The following CSMD1 variants were observed in gnomAD, a reference collection of about 807,000 sequenced individuals.
CSMD1 encodes CUB and Sushi multiple domains 1.
A neutral mutation model predicts 417.5 loss-of-function variants in CSMD1; 213 were observed. The observed-to-expected ratio is 0.51, with a 90% CI of 0.46 to 0.57. CSMD1 has a LOEUF of 0.57. Ranked by LOEUF, CSMD1 falls within the 20% of genes least tolerant of loss-of-function variation. CSMD1 has a pLI of 0.00. For missense variants in CSMD1, 6,923 were observed against 4,529.7 expected (o/e 1.53, Z -15.17); for synonymous variants, 2,862 against 1,736.8 (o/e 1.65, Z -16.11).
At chr8:3,551,432 C>A (rs530854778) in intron 10 of CSMD1, among the ~76,000 whole-genome samples, 1 of 152,012 alleles carries the variant, frequency 6.6e-6, no homozygotes, top group Non-Finnish European at 1.5e-5. Flanking sequence ...ATTAACTAAT[C>A]TGCACACTGA....
intron 49 of CSMD1, among the ~76,000 whole-genome samples, chr8:3,086,616 T>C (rs1025647117): frequency 1.3e-5 from 2 of 152,154 alleles, no homozygotes; most frequent in Admixed American, 6.6e-5. Context: ...ATGCACATGA[T>C]AGATAAAATG....
At chr8:3,615,779 T>G (rs1185583169) in intron 8 of CSMD1, among the ~76,000 whole-genome samples, 1 of 152,112 alleles carries the variant, frequency 6.6e-6, no homozygotes, top group Non-Finnish European at 1.5e-5. Flanking sequence ...TCAAAAATGG[T>G]GACATTGTAA....
intron 51 of CSMD1, among the ~76,000 whole-genome samples, chr8:3,026,261 C>G (rs1297862318): frequency 6.6e-6 from 1 of 151,916 alleles, no homozygotes; most frequent in Non-Finnish European, 1.5e-5. Flanking sequence ...ACATCAGGTC[C>G]TCAGCCACAC....
chr8:4,101,410 G>A (rs1801298950), intron 3 of CSMD1, among the ~76,000 whole-genome samples: 1 of 152,120 alleles, frequency 6.6e-6, no homozygotes, highest in Admixed American at 6.5e-5. Flanking sequence ...TGGTTGGGCA[G>A]GTGAATATTT....
At chr8:3,810,593 C>A (rs1383943) in intron 5 of CSMD1, among the ~76,000 whole-genome samples, 1 of 152,136 alleles carries the variant, frequency 6.6e-6, no homozygotes, top group African/African-American at 2.4e-5. Context: ...GCTTCTCCGA[C>A]AGTTCTCCCT....
chr8:4,831,082 G>A (rs905353203), intron 1 of CSMD1, among the ~76,000 whole-genome samples: 3 of 152,136 alleles, frequency 2.0e-5, no homozygotes, highest in Admixed American at 6.5e-5. Flanking sequence ...CAAAGTGGGA[G>A]GGATGTTTTT....
chr8:3,954,557 C>T (rs1281716855), intron 5 of CSMD1, among the ~76,000 whole-genome samples: 1 of 152,124 alleles, frequency 6.6e-6, no homozygotes, highest in South Asian at 2.1e-4. Flanking sequence ...TTAGTAGAGA[C>T]GGGGTTTCAC....
chr8:3,241,514 G>A (rs1045526017), intron 26 of CSMD1, among the ~76,000 whole-genome samples: 2 of 152,158 alleles, frequency 1.3e-5, no homozygotes, highest in African/African-American at 2.4e-5. Context: ...GGGAAGGAGT[G>A]AGTCAGAGAG....
intron 3 of CSMD1, among the ~76,000 whole-genome samples, chr8:4,314,568 T>C (rs1467764862): frequency 6.6e-6 from 1 of 151,378 alleles, no homozygotes; most frequent in Non-Finnish European, 1.5e-5. Flanking sequence ...CAGTCCACAA[T>C]CACTTTTACT....
chr8:3,915,014 G>A (rs756031792), intron 5 of CSMD1, among the ~76,000 whole-genome samples: 1 of 152,120 alleles, frequency 6.6e-6, no homozygotes, highest in Non-Finnish European at 1.5e-5. Flanking sequence ...CAAGTGTTCA[G>A]GATGAGGAGA....
At chr8:3,838,412 A>AG (rs533933330) in intron 5 of CSMD1, among the ~76,000 whole-genome samples, 3,398 of 150,568 alleles carry the variant, frequency 0.023, 142 homozygotes, top group African/African-American at 0.078. Flanking sequence ...ATATATAGAG[A>AG]GAGACTATAT....
chr8:3,793,549 A>C (rs1585007145), intron 5 of CSMD1, among the ~76,000 whole-genome samples: 1 of 144,096 alleles, frequency 6.9e-6, no homozygotes, highest in African/African-American at 2.6e-5. Context: ...TCCACATGAC[A>C]CCCCCTCCTC....
intron 7 of CSMD1, among the ~76,000 whole-genome samples, chr8:3,670,254 G>C (rs956349948): frequency 1.3e-5 from 2 of 151,870 alleles, no homozygotes; most frequent in Non-Finnish European, 2.9e-5. Flanking sequence ...AATATGAAAA[G>C]GTCAGACTGG....
At chr8:3,080,901 T>G (rs765224293) in intron 49 of CSMD1, among the ~76,000 whole-genome samples, 5 of 152,076 alleles carry the variant, frequency 3.3e-5, no homozygotes, top group Non-Finnish European at 7.4e-5. Context: ...GAGTAATTTT[T>G]CTCTAAAAAT....
intron 2 of CSMD1, among the ~76,000 whole-genome samples, chr8:4,576,058 T>A (rs866558575): frequency 5.9e-5 from 9 of 152,240 alleles, no homozygotes; most frequent in Non-Finnish European, 1.3e-4. Flanking sequence ...ACATCCACTC[T>A]TCTCTCACCA....
intron 3 of CSMD1, among the ~76,000 whole-genome samples, chr8:4,362,403 A>C (rs1314138889): frequency 6.6e-6 from 1 of 152,140 alleles, no homozygotes; most frequent in African/African-American, 2.4e-5. Flanking sequence ...ACAGAGTCTC[A>C]GGTCCGAGGG....
intron 7 of CSMD1, among the ~76,000 whole-genome samples, chr8:3,655,928 G>T (rs1157416050): frequency 6.6e-6 from 1 of 152,126 alleles, no homozygotes; most frequent in Non-Finnish European, 1.5e-5. Flanking sequence ...TGAAGAGCAG[G>T]ACTGGAGCCC....
chr8:3,569,757 G>C (rs993319588), intron 10 of CSMD1, among the ~76,000 whole-genome samples: 3 of 152,046 alleles, frequency 2.0e-5, no homozygotes, highest in African/African-American at 7.2e-5. Context: ...ATACTTAATG[G>C]CAATGGCTGC....
intron 3 of CSMD1, among the ~76,000 whole-genome samples, chr8:4,074,209 C>T (rs1377355125): frequency 6.6e-6 from 1 of 151,862 alleles, no homozygotes; most frequent in Non-Finnish European, 1.5e-5. Context: ...CTAAATTGTA[C>T]ACAAATTATA....
Sources: gnomAD v4.1 joint callset for allele counts (sites outside exome capture counted in the v4.1 genomes callset) on GRCh38, gnomAD v4.1.1 for gene constraint, MANE v1.5 for transcripts, NCBI Gene and HGNC (gene_info 2026-07-23, HGNC 2026-07-21) for gene names.